The following SBF2 variants were observed in gnomAD, a reference collection of about 807,000 sequenced individuals.
SBF2 encodes the protein SET binding factor 2.
SBF2 carries 112 observed loss-of-function variants against 225.2 expected under a neutral mutation model. That is an observed-to-expected ratio of 0.50 (90% confidence interval 0.43 to 0.58). SBF2 has a LOEUF of 0.58. Among genes scored for constraint, SBF2 ranks in the 20% least tolerant of loss-of-function variants. The pLI, the probability that SBF2 is intolerant of heterozygous loss-of-function variation, is 0.00. For missense variants in SBF2, 1,996 were observed against 2,206.2 expected, an observed-to-expected ratio of 0.90 and a Z score of 1.91; for synonymous variants, 763 against 773.3, an observed-to-expected ratio of 0.99 and a Z score of 0.22.
At chr11:9,990,161 GA>G (rs1436199710) in intron 12 of SBF2, among the ~76,000 whole-genome samples, 2 of 151,736 alleles carry the variant, frequency 1.3e-5, no homozygotes, top group African/African-American at 4.8e-5. Flanking sequence ...GTAAAGAAAA[GA>G]AGGCTGACAG....
At chr11:9,935,680 A>G (rs1864845441) in intron 16 of SBF2, among the ~76,000 whole-genome samples, 1 of 152,236 alleles carries the variant, frequency 6.6e-6, no homozygotes, top group Non-Finnish European at 1.5e-5. Flanking sequence ...GATCTTTGAC[A>G]AACCTGACAA....
At chr11:10,078,046 A>G (rs1234011557) in intron 2 of SBF2, among the ~76,000 whole-genome samples, 1 of 152,268 alleles carries the variant, frequency 6.6e-6, no homozygotes, top group Non-Finnish European at 1.5e-5. Flanking sequence ...AATGCTCATC[A>G]TCACTGGTCA....
chr11:9,932,970 A>C (rs77816389), intron 16 of SBF2, among the ~76,000 whole-genome samples: 3 of 148,820 alleles, frequency 2.0e-5, no homozygotes, highest in Non-Finnish European at 4.5e-5. Flanking sequence ...AAAAAAAAAA[A>C]AAAAAAAAAA....
chr11:10,149,992 C>T (rs541929373), intron 2 of SBF2, among the ~76,000 whole-genome samples: 1 of 152,234 alleles, frequency 6.6e-6, no homozygotes, highest in African/African-American at 2.4e-5. Flanking sequence ...CCACATTCTA[C>T]TCTCGAGAGC....
intron 14 of SBF2, among the ~76,000 whole-genome samples, chr11:9,964,730 G>A (rs1866789614): frequency 6.6e-6 from 1 of 151,990 alleles, no homozygotes; most frequent in African/African-American, 2.4e-5. Context: ...GTATTACCTA[G>A]GCTACTAAGC....
chr11:10,260,633 G>A (rs1961335915), intron 1 of SBF2, among the ~76,000 whole-genome samples: 1 of 150,124 alleles, frequency 6.7e-6, no homozygotes, highest in African/African-American at 2.5e-5. Context: ...AACCCAGGAG[G>A]CAGAGCTTGC....
chr11:10,060,034 A>C (rs1379415961), intron 2 of SBF2, among the ~76,000 whole-genome samples: 4 of 152,176 alleles, frequency 2.6e-5, no homozygotes, highest in Admixed American at 2.6e-4. Flanking sequence ...CAAAAATCAG[A>C]GCTAAACTGA....
At chr11:10,168,338 C>T (rs547788521) in intron 2 of SBF2, among the ~76,000 whole-genome samples, 23 of 152,218 alleles carry the variant, frequency 1.5e-4, no homozygotes, top group African/African-American at 5.1e-4. Context: ...AAATGAGCAA[C>T]GACCAAAAAA....
intron 1 of SBF2, among the ~76,000 whole-genome samples, chr11:10,197,878 T>C (rs959754305): frequency 2.0e-5 from 3 of 152,250 alleles, no homozygotes; most frequent in African/African-American, 7.2e-5. Context: ...CAAAGCTTCA[T>C]CTGTTAAAGG....
chr11:10,089,063 G>A (rs1286131993), intron 2 of SBF2, among the ~76,000 whole-genome samples: 5 of 152,148 alleles, frequency 3.3e-5, no homozygotes, highest in Non-Finnish European at 5.9e-5. Flanking sequence ...TAAAAAAAAT[G>A]TATAAACTTA....
chr11:10,132,881 C>T lies in SBF2; in HGVS notation c.141+61021G>A, dbSNP rs1414233323. Reference sequence around the variant, plus strand: ...AGCTAGATACAAAGGTTCTCCACGTCCCCATCAGATTAGTTAGATACAAAG... The same window carrying T: ...AGCTAGATACAAAGGTTCTCCACGTTCCCATCAGATTAGTTAGATACAAAG... On this transcript the variant is annotated intron_variant, in intron 2 of 39. Coordinates refer to ENST00000256190, the MANE Select transcript of SBF2 (RefSeq NM_030962.4). Among the ~76,000 whole-genome samples the T allele has an allele frequency of 1.3e-5, 2 of 148,868 alleles. 1 individual carries two copies. Among genetic ancestry groups the T allele is most frequent in the Non-Finnish European group, 3.0e-5 (2 of 67,486 alleles).
chr11:10,039,620 A>G (rs935537370), intron 3 of SBF2, among the ~76,000 whole-genome samples: 1 of 152,000 alleles, frequency 6.6e-6, no homozygotes, highest in Non-Finnish European at 1.5e-5. Flanking sequence ...AAAATATCTA[A>G]GCTAAAAAGA....
chr11:10,018,368 C>T (rs572615591), intron 6 of SBF2, among the ~76,000 whole-genome samples: 1 of 150,826 alleles, frequency 6.6e-6, no homozygotes, highest in South Asian at 2.1e-4. Context: ...TGTTACAGAG[C>T]ACAGGAAAAA....
intron 2 of SBF2, among the ~76,000 whole-genome samples, chr11:10,167,134 C>T (rs188188584): frequency 6.6e-6 from 1 of 152,022 alleles, no homozygotes; most frequent in Non-Finnish European, 1.5e-5. Context: ...TTTCTCTGTC[C>T]TTCTATAAAA....
intron 1 of SBF2, among the ~76,000 whole-genome samples, chr11:10,260,659 C>T (rs1359872354): frequency 5.4e-5 from 8 of 147,280 alleles, no homozygotes; most frequent in South Asian, 2.2e-4. Flanking sequence ...GCCGAGATTG[C>T]GCCACTGCAC....
At chr11:9,970,608 T>C (rs1028646542) in intron 13 of SBF2, among the ~76,000 whole-genome samples, 3 of 152,120 alleles carry the variant, frequency 2.0e-5, no homozygotes, top group Non-Finnish European at 2.9e-5. Flanking sequence ...GCCTCAGCAA[T>C]ATAATAGAAA....
At chr11:9,786,741 C>G (rs1171203701) in intron 36 of SBF2, among the ~76,000 whole-genome samples, 2 of 152,184 alleles carry the variant, frequency 1.3e-5, no homozygotes, top group African/African-American at 4.8e-5. Flanking sequence ...GAGGGAACGC[C>G]ATTCCCTCAC....
intron 32 of SBF2, among the ~76,000 whole-genome samples, chr11:9,800,202 A>T (rs1590113127): frequency 6.6e-6 from 1 of 151,816 alleles, no homozygotes; most frequent in Non-Finnish European, 1.5e-5. Context: ...TTGCCACTGC[A>T]CTCCAGCCTC....
chr11:10,086,562 A>G (rs1951575002), intron 2 of SBF2, among the ~76,000 whole-genome samples: 1 of 152,198 alleles, frequency 6.6e-6, no homozygotes, highest in African/African-American at 2.4e-5. Context: ...TAGTACAATC[A>G]GAGGAGAATT....
Sources: allele counts gnomAD v4.1 joint callset (sites outside exome capture counted in the v4.1 genomes callset), GRCh38; gene constraint gnomAD v4.1.1; transcripts MANE v1.5; gene names NCBI Gene and HGNC (gene_info 2026-07-23, HGNC 2026-07-21).